The following CLSTN2 variants were observed in gnomAD, a reference collection of about 807,000 sequenced individuals.
CLSTN2 encodes the protein calsyntenin 2.
CLSTN2 carries 48 observed loss-of-function variants against 101.2 expected under a neutral mutation model. The observed-to-expected ratio is 0.47, with a 90% confidence interval of 0.38 to 0.60. The LOEUF (loss-of-function observed/expected upper bound fraction) is 0.60. CLSTN2 is among the 20% of genes least tolerant of loss of function. CLSTN2 has a pLI of 0.00. For synonymous variants in CLSTN2, 481 were observed against 463.6 expected (o/e 1.04, Z -0.48); for missense variants, 1,160 against 1,238.2 (o/e 0.94, Z 0.95).
At chr3:140,475,371 T>G (rs1933959716) in intron 8 of CLSTN2, among the ~76,000 whole-genome samples, 2 of 152,222 alleles carry the variant, frequency 1.3e-5, no homozygotes, top group Non-Finnish European at 2.9e-5. Context: ...GTAGACATAG[T>G]CTCCACAAAC....
chr3:140,166,093 G>C (rs1163996719), intron 1 of CLSTN2, among the ~76,000 whole-genome samples: 1 of 152,154 alleles, frequency 6.6e-6, no homozygotes, highest in Non-Finnish European at 1.5e-5. Flanking sequence ...CATTTAAATG[G>C]ATTTTCAGCT....
chr3:140,046,098 A>T (rs1438792542), intron 1 of CLSTN2, among the ~76,000 whole-genome samples: 1 of 151,474 alleles, frequency 6.6e-6, no homozygotes, highest in Non-Finnish European at 1.5e-5. Context: ...TGTTGATCTA[A>T]TATTGATAGT....
intron 2 of CLSTN2, among the ~76,000 whole-genome samples, chr3:140,357,875 T>A (rs2087690393): frequency 6.6e-6 from 1 of 152,102 alleles, no homozygotes; most frequent in Middle Eastern, 3.4e-3. Flanking sequence ...TTAGGAAAAA[T>A]TTGAGTTTCT....
rs114282073 is a variant in CLSTN2 at position 140,006,308 on chromosome 3, T to C, written c.109+70825T>C. Among the ~76,000 whole-genome samples, 593 of 152,376 alleles carry C rather than the reference T, an allele frequency of 3.9e-3. 3 individuals carry two copies. The highest frequency in any genetic ancestry group is 6.6e-3 in the Non-Finnish European group (451 of 68,038). On this transcript the variant is annotated intron_variant, in intron 1 of 16. Coordinates refer to ENST00000458420, the MANE Select transcript of CLSTN2 (RefSeq NM_022131.3). ...AAAGTACTTGTGGCCACAGATTTTA[T>C]AATAATCTTCCTCCCACAAATCTAA...
chr3:140,033,309 T>C (rs1348085118), intron 1 of CLSTN2, among the ~76,000 whole-genome samples: 1 of 152,196 alleles, frequency 6.6e-6, no homozygotes, highest in Non-Finnish European at 1.5e-5. Context: ...CCAAACACAA[T>C]AGCTTCACAG....
intron 2 of CLSTN2, among the ~76,000 whole-genome samples, chr3:140,268,633 G>A (rs530161462): frequency 6.6e-6 from 1 of 152,292 alleles, no homozygotes; most frequent in South Asian, 2.1e-4. Flanking sequence ...ATTAGGAGAA[G>A]AGGTTCCATT....
chr3:139,955,281 G>T (rs1170297925), intron 1 of CLSTN2, among the ~76,000 whole-genome samples: 1 of 151,574 alleles, frequency 6.6e-6, no homozygotes, highest in Non-Finnish European at 1.5e-5. Flanking sequence ...TGGATAAATT[G>T]CATAACTCCT....
At chr3:140,154,231 A>T (rs375387145) in intron 1 of CLSTN2, among the ~76,000 whole-genome samples, 2 of 152,136 alleles carry the variant, frequency 1.3e-5, no homozygotes, top group Admixed American at 1.3e-4. Flanking sequence ...AGTGAATGAT[A>T]ATAAGGAGCC....
chr3:140,313,757 C>A (rs2087197740), intron 2 of CLSTN2, among the ~76,000 whole-genome samples: 1 of 152,222 alleles, frequency 6.6e-6, no homozygotes, highest in Admixed American at 6.5e-5. Context: ...ATCATAATGA[C>A]TTTGTGACAC....
intron 2 of CLSTN2, among the ~76,000 whole-genome samples, chr3:140,273,050 C>G (rs1322691277): frequency 6.6e-6 from 1 of 152,170 alleles, no homozygotes; most frequent in East Asian, 1.9e-4. Context: ...AGGGAAGCAT[C>G]TTCTTCACAT....
chr3:140,296,633 C>A (rs905692393), intron 2 of CLSTN2, among the ~76,000 whole-genome samples: 3 of 152,168 alleles, frequency 2.0e-5, no homozygotes, highest in African/African-American at 7.2e-5. Flanking sequence ...AATGATTCTG[C>A]CTCTTTGTTC....
chr3:140,442,550 A>G (rs1053994555), intron 5 of CLSTN2, among the ~76,000 whole-genome samples: 7 of 152,116 alleles, frequency 4.6e-5, no homozygotes, highest in African/African-American at 1.7e-4. Flanking sequence ...ACACTCTTAA[A>G]TTTAACTCAA....
intron 1 of CLSTN2, among the ~76,000 whole-genome samples, chr3:140,053,463 T>C (rs930047783): frequency 2.0e-5 from 3 of 152,174 alleles, no homozygotes; most frequent in African/African-American, 4.8e-5. Context: ...CTAGCTTTCA[T>C]TGGGCACGAT....
At chr3:140,179,715 C>A (rs149001752) in intron 2 of CLSTN2, among the ~76,000 whole-genome samples, 16 of 147,176 alleles carry the variant, frequency 1.1e-4, no homozygotes, top group Non-Finnish European at 1.9e-4. Flanking sequence ...GAAAATTTGC[C>A]ATTTTATTAC....
chr3:140,532,874 C>G lies in CLSTN2; in HGVS notation c.1507+388C>G, dbSNP rs571831190. On this transcript the variant is annotated intron_variant, in intron 9 of 16. Coordinates refer to ENST00000458420, the MANE Select transcript of CLSTN2 (RefSeq NM_022131.3). ...GGCTGATCAGGAACCAAGGATCTCC[C>G]TTTATCCCCACACAAATTCTTTAAG... Among the ~76,000 whole-genome samples, 7 of 152,322 alleles carry G rather than the reference C, an allele frequency of 4.6e-5. No individual in the cohort carries two copies. The South Asian group carries it at 1.5e-3, about 32-fold the overall frequency.
chr3:140,325,885 C>T (rs2107926352), intron 2 of CLSTN2, among the ~76,000 whole-genome samples: 1 of 152,272 alleles, frequency 6.6e-6, no homozygotes, highest in South Asian at 2.1e-4. Flanking sequence ...CTCCTTTGTT[C>T]AGTGTACTCT....
At chr3:140,517,763 C>T (rs349563) in intron 8 of CLSTN2, among the ~76,000 whole-genome samples, 57,014 of 151,564 alleles carry the variant, frequency 0.38, 11,981 homozygotes, top group African/African-American at 0.57. Context: ...TTGGTTGTGG[C>T]TTTGTTTATT....
chr3:140,046,355 C>A (rs1454891588), intron 1 of CLSTN2, among the ~76,000 whole-genome samples: 3 of 151,632 alleles, frequency 2.0e-5, no homozygotes, highest in African/African-American at 7.3e-5. Context: ...TTTTTGTTTT[C>A]CATTTGCTTG....
At chr3:140,370,935 A>T (rs542416622) in intron 2 of CLSTN2, among the ~76,000 whole-genome samples, 1 of 152,236 alleles carries the variant, frequency 6.6e-6, no homozygotes, top group South Asian at 2.1e-4. Flanking sequence ...ACCTCCAACA[A>T]CTTGGCTGCG....
Sources: gnomAD v4.1 joint callset for allele counts (sites outside exome capture counted in the v4.1 genomes callset) on GRCh38, gnomAD v4.1.1 for gene constraint, MANE v1.5 for transcripts, NCBI Gene and HGNC (gene_info 2026-07-23, HGNC 2026-07-21) for gene names.